The following EIF4G3 variants were observed in gnomAD, a reference collection of about 807,000 sequenced individuals.
EIF4G3 encodes eukaryotic translation initiation factor 4 gamma 3.
EIF4G3 carries 34 observed loss-of-function variants against 186.4 expected under a neutral mutation model. That is an observed-to-expected ratio of 0.18 (90% CI 0.14 to 0.24). The LOEUF (loss-of-function observed/expected upper bound fraction) is 0.24. EIF4G3 is among the 10% of genes least tolerant of loss of function. The pLI is 1.00. For synonymous variants in EIF4G3, 673 were observed against 679.5 expected, an observed-to-expected ratio of 0.99 and a Z score of 0.15; for missense variants, 1,536 against 1,948.5, an observed-to-expected ratio of 0.79 and a Z score of 3.99.
intron 3 of EIF4G3, among the ~76,000 whole-genome samples, chr1:21,081,355 C>G (rs2095778752): frequency 6.6e-6 from 1 of 152,184 alleles, no homozygotes. Flanking sequence ...ATCACTTGAA[C>G]CTGGGAGGCG....
At chr1:20,995,038 G>A (rs2081993220) in intron 7 of EIF4G3, among the ~76,000 whole-genome samples, 1 of 152,122 alleles carries the variant, frequency 6.6e-6, no homozygotes, top group Non-Finnish European at 1.5e-5. Flanking sequence ...GAGTCCTACT[G>A]CACATGAAAA....
chr1:21,047,655 A>G (rs922705385), intron 4 of EIF4G3, among the ~76,000 whole-genome samples: 1 of 151,766 alleles, frequency 6.6e-6, no homozygotes, highest in Admixed American at 6.6e-5. Flanking sequence ...TATGTGTAGG[A>G]CTCTCATGTG....
chr1:21,023,086 T>C (rs1345919293), intron 4 of EIF4G3, among the ~76,000 whole-genome samples: 1 of 152,134 alleles, frequency 6.6e-6, no homozygotes, highest in Non-Finnish European at 1.5e-5. Flanking sequence ...AACAAGTTTG[T>C]GAGTTTTTCT....
At chr1:21,076,850 C>A (rs2095604496) in intron 3 of EIF4G3, among the ~76,000 whole-genome samples, 1 of 151,996 alleles carries the variant, frequency 6.6e-6, no homozygotes, top group African/African-American at 2.4e-5. Context: ...TACAAGAAAA[C>A]ACCAAGGAAA....
chr1:20,941,328 G>A lies in EIF4G3; in HGVS notation c.1663+163C>T, dbSNP rs192982157. ...AGACAATGGAGTAACTCTTTTGCAG[G>A]TTGTACTAAAACACAAACACACCAC... is the stretch of plus-strand genomic sequence containing the variant. On this transcript the variant is annotated intron_variant, in intron 14 of 36. Transcript: ENST00000602326. 6,414 of 1,567,414 alleles carry A rather than the reference G, an allele frequency of 4.1e-3. 26 individuals carry two copies. Among genetic ancestry groups the A allele is most frequent in the South Asian group, 6.1e-3 (531 of 86,930 alleles).
chr1:20,966,475 A>AT (rs796461952), intron 12 of EIF4G3, among the ~76,000 whole-genome samples: 6,894 of 140,034 alleles, frequency 0.049, 270 homozygotes, highest in East Asian at 0.17. Context: ...ATGGGTCAAC[A>AT]TTTTTTTTTT....
chr1:21,133,417 G>A (rs1363996536), intron 2 of EIF4G3, among the ~76,000 whole-genome samples: 1 of 151,896 alleles, frequency 6.6e-6, no homozygotes, highest in Non-Finnish European at 1.5e-5. Context: ...AGTAAAGACA[G>A]GGTTTCACCA....
At chr1:20,857,162 C>CAAAAAAAAAAAAAAAAAAAAAA (rs577290987) in intron 25 of EIF4G3, among the ~76,000 whole-genome samples, 3 of 47,356 alleles carry the variant, frequency 6.3e-5, no homozygotes, top group African/African-American at 1.7e-4. Flanking sequence ...GACTCCATCT[C>CAAAAAAAAAAAAAAAAAAAAAA]AAAAAAAAAA....
At chr1:20,821,401 C>G (rs2062308355) in intron 33 of EIF4G3, among the ~76,000 whole-genome samples, 1 of 152,300 alleles carries the variant, frequency 6.6e-6, no homozygotes, top group South Asian at 2.1e-4. Flanking sequence ...TGAAATTTAT[C>G]AGACTCTTTT....
intron 4 of EIF4G3, among the ~76,000 whole-genome samples, chr1:21,014,254 A>G (rs1055414606): frequency 1.3e-5 from 2 of 152,160 alleles, no homozygotes; most frequent in Non-Finnish European, 2.9e-5. Context: ...GGATGTTGTG[A>G]TTGTGGTTGT....
At chr1:21,047,046 CT>C (rs1026932789) in intron 4 of EIF4G3, among the ~76,000 whole-genome samples, 6 of 152,174 alleles carry the variant, frequency 3.9e-5, no homozygotes, top group Admixed American at 1.3e-4. Flanking sequence ...TAATTTCCCC[CT>C]ATATGACAGA....
chr1:20,949,142 C>G (rs1421852342), intron 13 of EIF4G3, among the ~76,000 whole-genome samples: 3 of 152,036 alleles, frequency 2.0e-5, no homozygotes, highest in Admixed American at 6.6e-5. Flanking sequence ...AAAGCAGGGT[C>G]AAAGTTACTT....
intron 14 of EIF4G3, among the ~76,000 whole-genome samples, chr1:20,926,773 AAACAAAAACCC>A (rs2094929286): frequency 6.6e-6 from 1 of 152,144 alleles, no homozygotes; most frequent in Admixed American, 6.5e-5. Context: ...AAACAAGACA[AAACAAAAACCC>A]AACAAAAACA....
intron 4 of EIF4G3, among the ~76,000 whole-genome samples, chr1:21,014,849 G>C (rs1451715444): frequency 6.6e-6 from 1 of 151,970 alleles, no homozygotes; most frequent in Non-Finnish European, 1.5e-5. Flanking sequence ...TGGCCAGGCT[G>C]GTCTTGAACT....
chr1:21,050,007 C>T (rs554909988), intron 4 of EIF4G3, among the ~76,000 whole-genome samples: 2 of 152,210 alleles, frequency 1.3e-5, no homozygotes, highest in Non-Finnish European at 1.5e-5. Flanking sequence ...TTCCTGATCT[C>T]TCCTATTATT....
chr1:21,170,993 A>T (rs966695558), intron 2 of EIF4G3, among the ~76,000 whole-genome samples: 66 of 800 alleles, frequency 0.083, no homozygotes, highest in East Asian at 0.5. Context: ...AAATAAATTA[A>T]AAAAAAAAAA....
intron 7 of EIF4G3, chr1:20,988,394 T>C (rs1270054484): frequency 5.9e-6 from 1 of 169,442 alleles, no homozygotes; most frequent in African/African-American, 2.4e-5. Flanking sequence ...GAGAAGTCAA[T>C]GCCTGGCATC....
At chr1:21,046,594 T>C (rs1469892970) in intron 4 of EIF4G3, among the ~76,000 whole-genome samples, 1 of 152,192 alleles carries the variant, frequency 6.6e-6, no homozygotes, top group Non-Finnish European at 1.5e-5. Context: ...GGTAGTTACT[T>C]TGGACAAAAA....
At chr1:20,903,646 G>A (rs1225094997) in intron 15 of EIF4G3, among the ~76,000 whole-genome samples, 4 of 152,078 alleles carry the variant, frequency 2.6e-5, no homozygotes, top group East Asian at 3.9e-4. Flanking sequence ...AAATCACAAC[G>A]ATCAACATTT....
Sources: gnomAD v4.1 joint callset for allele counts (sites outside exome capture counted in the v4.1 genomes callset) on GRCh38, gnomAD v4.1.1 for gene constraint, MANE v1.5 for transcripts, NCBI Gene and HGNC (gene_info 2026-07-23, HGNC 2026-07-21) for gene names.